The following ASB18 variants were observed in gnomAD, a reference collection of about 807,000 sequenced individuals.
ASB18 encodes ankyrin repeat and SOCS box protein 18.
Under a neutral mutation model 33.4 loss-of-function variants are expected in ASB18, and 33 were observed. The observed-to-expected ratio is 0.99, with a 90% CI of 0.75 to 1.32. ASB18 has a LOEUF of 1.32. ASB18 is among the 40% of genes most tolerant of loss of function. The probability of loss-of-function intolerance (pLI) is 0.00; values close to 1 mark genes in which losing one functional copy is unlikely to be tolerated. For missense variants in ASB18, 694 were observed against 655.5 expected, an observed-to-expected ratio of 1.06 and a Z score of -0.64; for synonymous variants, 295 against 307.6, an observed-to-expected ratio of 0.96 and a Z score of 0.43.
At chr2:236,232,862 G>C (rs1286713057) in intron 3 of ASB18, among the ~76,000 whole-genome samples, 1 of 152,004 alleles carries the variant, frequency 6.6e-6, no homozygotes, top group Admixed American at 6.6e-5. Flanking sequence ...ATTTAAGGAA[G>C]ACATAATTTT....
In ASB18 at chr2:236,200,802, T is replaced by C. The variant is rs1352691918; in HGVS notation, c.1102-4417A>G. On this transcript the variant is annotated intron_variant, in intron 4 of 5. Coordinates refer to ENST00000409749, the MANE Select transcript of ASB18 (RefSeq NM_212556.4). This position sits in a 1 kb window ranked among gnomAD's most constrained non-coding sequence, Gnocchi z 4.2. ...ATTGTATTTTCAATGCTTTTTTTCC[T>C]GTTTAGTTTTGCTGAAGGTTTTTCC... Among the ~76,000 whole-genome samples the C allele has an allele frequency of 2.0e-5, 3 of 152,240 alleles. No individual in the cohort carries two copies. In the East Asian group the frequency reaches 5.8e-4, roughly 29 times the overall value.
rs1240241275 is a variant in ASB18, at chr2:236,257,913, A to C, written c.205+6228T>G. ...CCTCAGCTGGAGGAGTGGAAAGGGG[A>C]GAGCTCTTGGAGATGCTCTCACCTG... On this transcript the variant is annotated intron_variant, in intron 1 of 5. Transcript: ENST00000409749. This position sits in a 1 kb window ranked among gnomAD's most constrained non-coding sequence, Gnocchi z 5.5. Among the ~76,000 whole-genome samples, 1 of 152,174 alleles carries C rather than the reference A, an allele frequency of 6.6e-6. No homozygotes were observed. Among genetic ancestry groups the C allele is most frequent in the Non-Finnish European group, 1.5e-5 (1 of 68,034 alleles).
chr2:236,198,075 A>G (rs954459753), intron 4 of ASB18, among the ~76,000 whole-genome samples: 10 of 152,168 alleles, frequency 6.6e-5, no homozygotes, highest in African/African-American at 2.4e-4. Flanking sequence ...ACAGAGTCCA[A>G]CAAAAGAAAG....
At chr2:236,227,368 T>C (rs2060545727) in intron 3 of ASB18, among the ~76,000 whole-genome samples, 1 of 152,212 alleles carries the variant, frequency 6.6e-6, no homozygotes, top group Admixed American at 6.5e-5. Flanking sequence ...AATACAGTGA[T>C]TAGACATGAG....
intron 4 of ASB18, among the ~76,000 whole-genome samples, chr2:236,212,805 A>T (rs999006328): frequency 9.9e-5 from 15 of 151,838 alleles, no homozygotes; most frequent in Admixed American, 5.9e-4. Flanking sequence ...TTTTAAAAAA[A>T]TTTTTGTAGA....
rs554422141 is a variant in ASB18 at position 236,219,422 on chromosome 2, C to G, written c.597-4556G>C. On this transcript the variant is annotated intron_variant, in intron 3 of 5. Transcript: ENST00000409749. The surrounding 1 kb of genome is among the most constrained non-coding windows in gnomAD (Gnocchi z 6.4). ...GGTTCCCAGAATACGCTTGAAATTT[C>G]CATCAATCTGTTTAGGTATAAGCAG... is the stretch of plus-strand genomic sequence containing the variant. Among the ~76,000 whole-genome samples the G allele has an allele frequency of 3.3e-5, 5 of 152,270 alleles. No individual in the cohort carries two copies. The South Asian group carries it at 1.0e-3, about 32-fold the overall frequency.
Position 236,259,735 on chromosome 2 carries a change from G to T in ASB18, c.205+4406C>A. On this transcript the variant is annotated intron_variant, in intron 1 of 5. Coordinates refer to ENST00000409749, the MANE Select transcript of ASB18 (RefSeq NM_212556.4). This position sits in a 1 kb window ranked among gnomAD's most constrained non-coding sequence, Gnocchi z 4.4. ...TCAGGTCCATCCTTGCAGGAGAGCA[G>T]GTGCCTTCACAAGGGCACAGGCCAG... 2.7e-6 allele frequency: 1 copy of T among 372,524 alleles called. No individual in the cohort carries two copies. Among genetic ancestry groups the T allele is most frequent in the South Asian group, 2.0e-5 (1 of 49,336 alleles). 23.1% of individuals were successfully genotyped at this position (372,524 alleles called of 1,614,324 possible). A position where few individuals can be genotyped will look rare whatever the true frequency, so the allele number is the denominator to read the frequency against.
Position 236,239,150 on chromosome 2 carries a change from TA to T in ASB18, c.329-1195del, listed in dbSNP as rs1469193717. ...GAGGGGGTGATGGATGTAGTCTATC[TA>T]CATTGTTATCCCCGTGATAACAATA... is the stretch of plus-strand genomic sequence containing the variant. On this transcript the variant is annotated intron_variant, in intron 2 of 5. Coordinates refer to ENST00000409749, the MANE Select transcript of ASB18 (RefSeq NM_212556.4). This position sits in a 1 kb window ranked among gnomAD's most constrained non-coding sequence, Gnocchi z 5.6. 6.6e-6 allele frequency among the ~76,000 whole-genome samples: 1 copy of T among 152,230 alleles called. No homozygotes were observed. Among genetic ancestry groups the T allele is most frequent in the Non-Finnish European group, 1.5e-5 (1 of 68,034 alleles).
rs1005775098 is a variant in ASB18, at chr2:236,252,136, T to C, written c.206-10734A>G. Reference sequence around the variant, plus strand: ...AAGTACAAAAATCAGCTGAGGGTGGTGGTGTGCGGCTGCAGTCCCAGCTAT... The same window carrying C: ...AAGTACAAAAATCAGCTGAGGGTGGCGGTGTGCGGCTGCAGTCCCAGCTAT... On this transcript the variant is annotated intron_variant, in intron 1 of 5. Coordinates refer to ENST00000409749, the MANE Select transcript of ASB18 (RefSeq NM_212556.4). This position sits in a 1 kb window ranked among gnomAD's most constrained non-coding sequence, Gnocchi z 7.9. Among the ~76,000 whole-genome samples, 4 of 151,906 alleles carry C rather than the reference T, an allele frequency of 2.6e-5. No individual in the cohort carries two copies. The highest frequency in any genetic ancestry group is 4.4e-5 in the Non-Finnish European group (3 of 67,964).
chr2:236,248,807 G>A lies in ASB18; in HGVS notation c.206-7405C>T, dbSNP rs2060656677. The A allele has an allele frequency of 6.6e-6, 1 of 152,192 alleles. No homozygotes were observed. Among genetic ancestry groups the A allele is most frequent in the African/African-American group, 2.4e-5 (1 of 41,444 alleles). 9.4% of individuals were successfully genotyped at this position (152,192 alleles called of 1,614,324 possible). A position where few individuals can be genotyped will look rare whatever the true frequency, so the allele number is the denominator to read the frequency against. ...GTAGCTATCAGATGCGTGGCATGGA[G>A]CATGACACAGCCAAGATTCCAAAAG... On this transcript the variant is annotated intron_variant, in intron 1 of 5. Transcript: ENST00000409749. This position sits in a 1 kb window ranked among gnomAD's most constrained non-coding sequence, Gnocchi z 4.9.
Position 236,264,348 on chromosome 2 carries a change from T to A in ASB18, c.-3A>T. On this transcript the variant is annotated 5_prime_UTR_variant, in exon 1 of 6. Transcript: ENST00000409749. This position sits in a 1 kb window ranked among gnomAD's most constrained non-coding sequence, Gnocchi z 5.1. ...GGAAGGTAATCCGAGTTGGACATTG[T>A]TACGTCGTTTCTGCAGTGACCAGCC... 1.9e-6 allele frequency: 3 copies of A among 1,613,784 alleles called. No homozygotes were observed. Among genetic ancestry groups the A allele is most frequent in the Non-Finnish European group, 2.5e-6 (3 of 1,179,682 alleles).
chr2:236,215,537 C>G lies in ASB18; in HGVS notation c.597-671G>C, dbSNP rs771170082. On this transcript the variant is annotated intron_variant, in intron 3 of 5. Transcript: ENST00000409749. The surrounding 1 kb of genome is among the most constrained non-coding windows in gnomAD (Gnocchi z 7.2). The stretch of plus-strand genomic sequence containing the variant: ...GTGGTCTCCAGGAGCTTCTAGACCC[C>G]CATGGGAGCCTGCGGTCTTCCCCAG... 6.6e-6 allele frequency among the ~76,000 whole-genome samples: 1 copy of G among 152,128 alleles called. No homozygotes were observed. The highest frequency in any genetic ancestry group is 1.5e-5 in the Non-Finnish European group (1 of 68,018).
At chr2:236,201,326 AT>A (rs921938859) in intron 4 of ASB18, among the ~76,000 whole-genome samples, 2 of 151,744 alleles carry the variant, frequency 1.3e-5, no homozygotes, top group Non-Finnish European at 2.9e-5. Flanking sequence ...TAATTTAAAA[AT>A]TTTTTTTGTA....
chr2:236,243,068 C>T (rs867550294), intron 1 of ASB18, among the ~76,000 whole-genome samples: 3 of 144,902 alleles, frequency 2.1e-5, no homozygotes, highest in Admixed American at 6.9e-5. Flanking sequence ...CAGTGGCTCA[C>T]GCCTGTAATC....
Position 236,237,220 on chromosome 2 carries a change from C to G in ASB18, c.596+469G>C, listed in dbSNP as rs569351564. Among the ~76,000 whole-genome samples, 1 of 152,130 alleles carries G rather than the reference C, an allele frequency of 6.6e-6. No homozygotes were observed. Among genetic ancestry groups the G allele is most frequent in the Non-Finnish European group, 1.5e-5 (1 of 68,024 alleles). On this transcript the variant is annotated intron_variant, in intron 3 of 5. Coordinates refer to ENST00000409749, the MANE Select transcript of ASB18 (RefSeq NM_212556.4). This position sits in a 1 kb window ranked among gnomAD's most constrained non-coding sequence, Gnocchi z 6.2. The stretch of plus-strand genomic sequence containing the variant: ...AAACCCTAATTTTTCAGCCTCCAAC[C>G]CCGCCAGTGGCCTTTTAGCATCCCC...
Position 236,241,200 on chromosome 2 carries a change from A to G in ASB18, c.328+80T>C, listed in dbSNP as rs1265118065. On this transcript the variant is annotated intron_variant, in intron 2 of 5. Coordinates refer to ENST00000409749, the MANE Select transcript of ASB18 (RefSeq NM_212556.4). The surrounding 1 kb of genome is among the most constrained non-coding windows in gnomAD (Gnocchi z 4.2). ...AACCCAGTGCCACTGTGCCCAGTCT[A>G]CACACGGGAGCCTTACACTCCCAGA... 2.8e-6 allele frequency: 4 copies of G among 1,409,884 alleles called. No individual in the cohort carries two copies. The highest frequency in any genetic ancestry group is 1.7e-5 in the Admixed American group (1 of 57,208). 87.3% of individuals were successfully genotyped at this position (1,409,884 alleles called of 1,614,324 possible). A position where few individuals can be genotyped will look rare whatever the true frequency, so the allele number is the denominator to read the frequency against.
rs943680599 is a variant in ASB18 at position 236,244,452 on chromosome 2, C to A, written c.206-3050G>T. 1.3e-5 allele frequency among the ~76,000 whole-genome samples: 2 copies of A among 152,220 alleles called. No individual in the cohort carries two copies. The highest frequency in any genetic ancestry group is 4.8e-5 in the African/African-American group (2 of 41,458). Reference sequence around the variant, plus strand: ...CCCACATGGTGTTGCAACCAGGAAGCAACAGCAGAGAATCAACAGGAAAAC... The same window carrying A: ...CCCACATGGTGTTGCAACCAGGAAGAAACAGCAGAGAATCAACAGGAAAAC... On this transcript the variant is annotated intron_variant, in intron 1 of 5. Coordinates refer to ENST00000409749, the MANE Select transcript of ASB18 (RefSeq NM_212556.4). The surrounding 1 kb of genome is among the most constrained non-coding windows in gnomAD (Gnocchi z 6.1).
In ASB18 at chr2:236,194,062, T is replaced by A. The variant is rs1253973118; in HGVS notation, c.*810A>T. On this transcript the variant is annotated 3_prime_UTR_variant, in exon 6 of 6. Coordinates refer to ENST00000409749, the MANE Select transcript of ASB18 (RefSeq NM_212556.4). The surrounding 1 kb of genome is among the most constrained non-coding windows in gnomAD (Gnocchi z 4.5). ...ACGACCCTGAACTAGAATAAGCACA[T>A]TAGAATATGAATGAATGAATGAATG... 6.7e-6 allele frequency among the ~76,000 whole-genome samples: 1 copy of A among 148,664 alleles called. No homozygotes were observed. Among genetic ancestry groups the A allele is most frequent in the Admixed American group, 6.6e-5 (1 of 15,230 alleles).
chr2:236,247,577 A>G (rs1440213337), intron 1 of ASB18: 2 of 152,148 alleles, frequency 1.3e-5, no homozygotes, highest in Non-Finnish European at 2.9e-5. Context: ...TGCTGCCTTC[A>G]CATTTATCTA....
Sources: gnomAD v4.1 joint callset for allele counts (sites outside exome capture counted in the v4.1 genomes callset) on GRCh38, gnomAD v4.1.1 for gene constraint, Gnocchi (gnomAD v3.1) non-coding constraint, MANE v1.5 for transcripts, NCBI Gene and HGNC (gene_info 2026-07-23, HGNC 2026-07-21) for gene names.